SUMF1: variants seen among roughly 807,000 people sequenced by gnomAD.
The protein encoded by SUMF1 is sulfatase modifying factor 1.
In SUMF1, 48 loss-of-function variants were observed where a neutral mutation model predicts 47.6. The observed-to-expected ratio is 1.01, with a 90% confidence interval of 0.80 to 1.28. The LOEUF (loss-of-function observed/expected upper bound fraction) is 1.28, where lower values mean the gene tolerates loss of function less well. Among genes scored for constraint, SUMF1 ranks in the 50% most tolerant of loss-of-function variants. SUMF1 has a pLI of 0.00. For synonymous variants in SUMF1, 230 were observed against 192.1 expected (o/e 1.20, Z -1.63); for missense variants, 571 against 485.4 (o/e 1.18, Z -1.66).
At chr3:4,108,170 C>T in intron 8 of SUMF1, among the ~76,000 whole-genome samples, 1 of 152,102 alleles carries the variant, frequency 6.6e-6, no homozygotes, top group African/African-American at 2.4e-5. Flanking sequence ...TTTCTGCCTT[C>T]ATTTCGTTAT....
At chr3:4,285,618 A>G (rs2125049955) in intron 8 of SUMF1, among the ~76,000 whole-genome samples, 1 of 152,164 alleles carries the variant, frequency 6.6e-6, no homozygotes, top group South Asian at 2.1e-4. Flanking sequence ...CATATATTCT[A>G]TTTCCTTGTA....
chr3:4,061,677 G>A (rs1313982568), intron 9 of SUMF1, among the ~76,000 whole-genome samples: 1 of 151,982 alleles, frequency 6.6e-6, no homozygotes, highest in African/African-American at 2.4e-5. Context: ...GGGTGGTGGG[G>A]GACACATAAG....
At chr3:4,298,423 CAAATT>C (rs944983694) in intron 8 of SUMF1, among the ~76,000 whole-genome samples, 1 of 152,126 alleles carries the variant, frequency 6.6e-6, no homozygotes, top group African/African-American at 2.4e-5. Flanking sequence ...AAGATAAAAA[CAAATT>C]AAACCAAAGG....
intron 8 of SUMF1, among the ~76,000 whole-genome samples, chr3:4,289,413 G>A (rs1005673028): frequency 5.9e-5 from 9 of 152,166 alleles, no homozygotes; most frequent in Non-Finnish European, 1.0e-4. Flanking sequence ...GCAAGGAACC[G>A]CACTGGGCCA....
chr3:4,325,061 A>C (rs1181235658), intron 8 of SUMF1, among the ~76,000 whole-genome samples: 4 of 152,176 alleles, frequency 2.6e-5, no homozygotes, highest in South Asian at 2.1e-4. Flanking sequence ...ATCAGATCTC[A>C]TGAAACTTAT....
intron 7 of SUMF1, among the ~76,000 whole-genome samples, chr3:4,404,925 T>C (rs895693583): frequency 6.6e-6 from 1 of 152,170 alleles, no homozygotes; most frequent in Non-Finnish European, 1.5e-5. Flanking sequence ...TCAATGGGTA[T>C]GAAAGTCTTA....
intron 8 of SUMF1, among the ~76,000 whole-genome samples, chr3:4,198,848 A>G (rs1457048271): frequency 1.3e-5 from 2 of 152,046 alleles, no homozygotes; most frequent in Non-Finnish European, 1.5e-5. Context: ...AAGAACCACC[A>G]TGAAGTATTC....
intron 7 of SUMF1, among the ~76,000 whole-genome samples, chr3:4,397,425 A>C (rs575927855): frequency 1.3e-5 from 2 of 152,338 alleles, no homozygotes; most frequent in African/African-American, 4.8e-5. Flanking sequence ...AAGTGAGAAA[A>C]GTAGACACGG....
chr3:4,227,981 G>T (rs1384744953), intron 8 of SUMF1, among the ~76,000 whole-genome samples: 1 of 152,120 alleles, frequency 6.6e-6, no homozygotes, highest in East Asian at 1.9e-4. Flanking sequence ...AGTTGGAGTA[G>T]CCATAGGGAC....
chr3:4,367,529 T>G (rs973819063), intron 8 of SUMF1, among the ~76,000 whole-genome samples: 1 of 151,556 alleles, frequency 6.6e-6, no homozygotes, highest in Non-Finnish European at 1.5e-5. Context: ...CATCACCAAG[T>G]CAATCCTAAG....
intron 8 of SUMF1, among the ~76,000 whole-genome samples, chr3:4,149,266 G>A (rs772349002): frequency 1.3e-5 from 2 of 152,084 alleles, no homozygotes; most frequent in Admixed American, 1.3e-4. Flanking sequence ...GCCCTGGAGG[G>A]GAAAGAAGAA....
chr3:4,332,710 G>T (rs1575105388), intron 8 of SUMF1, among the ~76,000 whole-genome samples: 1 of 152,132 alleles, frequency 6.6e-6, no homozygotes, highest in East Asian at 1.9e-4. Flanking sequence ...TGGCTTCATG[G>T]TGATACAGAC....
chr3:4,129,134 A>G (rs1471331385), intron 8 of SUMF1, among the ~76,000 whole-genome samples: 2 of 152,176 alleles, frequency 1.3e-5, no homozygotes, highest in African/African-American at 2.4e-5. Flanking sequence ...CAGCACTTGC[A>G]TCTTTGAAGA....
chr3:4,161,761 G>C (rs1694582224), intron 8 of SUMF1, among the ~76,000 whole-genome samples: 2 of 152,066 alleles, frequency 1.3e-5, no homozygotes, highest in South Asian at 4.1e-4. Flanking sequence ...CCTAGAATCA[G>C]GGACTCCCTC....
intron 8 of SUMF1, among the ~76,000 whole-genome samples, chr3:4,109,621 T>A (rs942650875): frequency 6.6e-6 from 1 of 152,098 alleles, no homozygotes; most frequent in Non-Finnish European, 1.5e-5. Flanking sequence ...GCTTTGTTCA[T>A]TTCTTTTTAT....
intron 8 of SUMF1, among the ~76,000 whole-genome samples, chr3:4,135,669 A>G (rs1029742518): frequency 3.3e-5 from 5 of 152,164 alleles, no homozygotes; most frequent in African/African-American, 9.6e-5. Context: ...CAATTAGGAA[A>G]TGAGGAAGTC....
At chr3:4,165,479 A>G (rs1441289487) in intron 8 of SUMF1, among the ~76,000 whole-genome samples, 1 of 152,086 alleles carries the variant, frequency 6.6e-6, no homozygotes, top group Non-Finnish European at 1.5e-5. Context: ...GGGGAGCTGT[A>G]GGAAGGCTAG....
At chr3:4,444,107 A>G (rs1242828495) in intron 3 of SUMF1, among the ~76,000 whole-genome samples, 3 of 152,214 alleles carry the variant, frequency 2.0e-5, no homozygotes, top group Admixed American at 2.0e-4. Context: ...AGGGAAAAAA[A>G]TCAGATTACC....
chr3:4,331,236 C>T (rs1699046514), intron 8 of SUMF1, among the ~76,000 whole-genome samples: 1 of 150,396 alleles, frequency 6.6e-6, no homozygotes, highest in South Asian at 2.1e-4. Context: ...AAAAAAAAAA[C>T]CTTTAAACTA....
Sources: allele counts gnomAD v4.1 joint callset (sites outside exome capture counted in the v4.1 genomes callset), GRCh38; gene constraint gnomAD v4.1.1; transcripts MANE v1.5; gene names NCBI Gene and HGNC (gene_info 2026-07-23, HGNC 2026-07-21).